SALL4: variants seen among roughly 807,000 people sequenced by gnomAD.
SALL4 encodes the protein sal-like protein 4.
Under a neutral mutation model 60.8 loss-of-function variants are expected in SALL4, and 4 were observed. The ratio of observed to expected loss-of-function variants is 0.07; its 90% CI spans 0.03 to 0.15. SALL4 has a LOEUF of 0.15. Ranked by LOEUF, SALL4 falls within the 10% of genes least tolerant of loss-of-function variation. SALL4 has a pLI of 1.00. For synonymous variants in SALL4, 580 were observed against 574.9 expected, an observed-to-expected ratio of 1.01 and a Z score of -0.13; for missense variants, 1,178 against 1,394.7, an observed-to-expected ratio of 0.84 and a Z score of 2.48.
intron 2 of SALL4, among the ~76,000 whole-genome samples, chr20:51,789,794 G>A (rs190391663): frequency 3.3e-5 from 5 of 152,238 alleles, no homozygotes; most frequent in Admixed American, 3.3e-4. Context: ...AACAAAAAAG[G>A]TATGCTGTCC....
chr20:51,784,754 A>G, intron 3 of SALL4, 70 bp from the exon 4 acceptor site: 2 of 1,539,766 alleles, frequency 1.3e-6, no homozygotes, highest in South Asian at 1.1e-5. Context: ...CCAAGAATCA[A>G]TCTGCATATG....
chr20:51,790,499 G>T lies in SALL4; in HGVS notation c.1984C>A (p.Pro662Thr). 6.2e-7 allele frequency: 1 copy of T among 1,614,138 alleles called. No homozygotes were observed. The highest frequency in any genetic ancestry group is 1.1e-5 in the South Asian group (1 of 91,086). The change falls in exon 2 of 4, where the codon CCC becomes ACC. Residue 662 changes from proline to threonine, a missense_variant. Physicochemically the swap from Pro to Thr is conservative, Grantham distance 38. Transcript: ENST00000217086. The surrounding 1 kb of genome is among the most constrained non-coding windows in gnomAD (Gnocchi z 5.5). ...QIPNTPLPENPCDFTGSEPMT... is the reference protein window; with the variant it reads ...QIPNTPLPENTCDFTGSEPMT... ...GGCTCAGAACCCGTAAAGTCACAGG[G>T]ATTCTCTGGCAGGGGCGTGTTGGGA...
chr20:51,794,844 C>T (rs1361724035), intron 1 of SALL4, among the ~76,000 whole-genome samples: 1 of 152,150 alleles, frequency 6.6e-6, no homozygotes, highest in Non-Finnish European at 1.5e-5. Flanking sequence ...GCAGTTCCCA[C>T]ACCCTCTATT....
intron 3 of SALL4, among the ~76,000 whole-genome samples, chr20:51,786,089 G>GTTTTTT (rs763670225): frequency 1.6e-5 from 2 of 127,344 alleles, no homozygotes; most frequent in Non-Finnish European, 1.6e-5. Flanking sequence ...CCAGCTAATT[G>GTTTTTT]TTTTTTTTTT....
In SALL4 at chr20:51,788,616, GGGA is replaced by G. The variant is rs545477427; in HGVS notation, c.2742+242_2742+244del. Among the ~76,000 whole-genome samples, 20 of 152,232 alleles carry G rather than the reference GGGA, an allele frequency of 1.3e-4. No individual in the cohort carries two copies. The South Asian group carries it at 2.3e-3, about 17-fold the overall frequency. ...TGAGGCAGGAGAATGGCATGAACCC[GGGA>G]GGAGGAGCTTGCAGTGAGCTTGAGC... On this transcript the variant is annotated intron_variant, in intron 3 of 3. Coordinates refer to ENST00000217086, the MANE Select transcript of SALL4 (RefSeq NM_020436.5). This position sits in a 1 kb window ranked among gnomAD's most constrained non-coding sequence, Gnocchi z 4.1.
At chr20:51,796,357 T>A (rs534211589) in intron 1 of SALL4, among the ~76,000 whole-genome samples, 1 of 152,120 alleles carries the variant, frequency 6.6e-6, no homozygotes, top group African/African-American at 2.4e-5. Context: ...CTTCATACTC[T>A]TACACCTTAA....
intron 3 of SALL4, among the ~76,000 whole-genome samples, chr20:51,785,167 G>A (rs1030562805): frequency 1.2e-4 from 19 of 152,094 alleles, no homozygotes; most frequent in African/African-American, 4.6e-4. Flanking sequence ...CAGGCATGGT[G>A]GCACATGCCT....
rs2077971030 is a variant in SALL4 at position 51,783,900 on chromosome 20, A to T, written c.*365T>A. On this transcript the variant is annotated 3_prime_UTR_variant, in exon 4 of 4. Coordinates refer to ENST00000217086, the MANE Select transcript of SALL4 (RefSeq NM_020436.5). ...CCGGGCGTGGTGGCACCTGCCTGTA[A>T]TCCCAGCTACTCTGGAGGCTAAGGC... is the stretch of plus-strand genomic sequence containing the variant. 7.0e-6 allele frequency: 2 copies of T among 287,286 alleles called. No individual in the cohort carries two copies. The highest frequency in any genetic ancestry group is 4.4e-5 in the African/African-American group (2 of 45,082). 17.8% of individuals were successfully genotyped at this position (287,286 alleles called of 1,614,324 possible). A position where few individuals can be genotyped will look rare whatever the true frequency, so the allele number is the denominator to read the frequency against.
rs1162101225 is a variant in SALL4 at position 51,801,758 on chromosome 20, G to C, written c.130+521C>G. ...CGCCCCCTCCCCCCACTTGGCCCGGGAGGGGCGCGTGCAACAGATCGTCCT... is the reference window on the plus strand; with the variant it reads ...CGCCCCCTCCCCCCACTTGGCCCGGCAGGGGCGCGTGCAACAGATCGTCCT... On this transcript the variant is annotated intron_variant, in intron 1 of 3. Transcript: ENST00000217086. The surrounding 1 kb of genome is among the most constrained non-coding windows in gnomAD (Gnocchi z 5.2). Among the ~76,000 whole-genome samples the C allele has an allele frequency of 6.6e-6, 1 of 152,096 alleles. No homozygotes were observed. The highest frequency in any genetic ancestry group is 2.4e-5 in the African/African-American group (1 of 41,446).
intron 1 of SALL4, among the ~76,000 whole-genome samples, chr20:51,798,870 C>A (rs929607218): frequency 1.4e-5 from 2 of 145,006 alleles, no homozygotes; most frequent in Non-Finnish European, 3.0e-5. Flanking sequence ...CAAAACAAAA[C>A]AAAACAAAAA....
chr20:51,786,451 C>T (rs6063712), intron 3 of SALL4, among the ~76,000 whole-genome samples: 1 of 151,962 alleles, frequency 6.6e-6, no homozygotes, highest in Non-Finnish European at 1.5e-5. Flanking sequence ...AAGCTGGTCT[C>T]GAACTCCTGG....
At chr20:51,789,997 T>G (rs370094424) in intron 2 of SALL4, 25 bp downstream of exon 2, 2 of 1,614,004 alleles carry the variant, frequency 1.2e-6, no homozygotes, top group Non-Finnish European at 1.7e-6. Context: ...AAAATGGACA[T>G]AAGTTAAATC....
rs1359372184 is a variant in SALL4, at chr20:51,782,363, AACAG to A, written c.*1898_*1901del. 6 of 152,202 alleles carry A rather than the reference AACAG, an allele frequency of 3.9e-5. No homozygotes were observed. The highest frequency in any genetic ancestry group is 7.4e-5 in the Non-Finnish European group (5 of 68,010). The allele number at this position is 152,202 out of a possible 1,614,324, so 9.4% of individuals were successfully genotyped here. ...AAAAAACATTCAAATTTTATTTTCC[AACAG>A]ACAGACAGCATCAGCAGGTACAACT... is the stretch of plus-strand genomic sequence containing the variant. On this transcript the variant is annotated 3_prime_UTR_variant, in exon 4 of 4. Transcript: ENST00000217086.
chr20:51,789,936 C>G (rs2078022128), intron 2 of SALL4, 86 bp downstream of exon 2: 1 of 1,552,670 alleles, frequency 6.4e-7, no homozygotes, highest in Non-Finnish European at 8.9e-7. Context: ...TCAAGTCATA[C>G]TCTCCGTTTG....
Position 51,790,732 on chromosome 20 carries a change from T to G in SALL4, c.1751A>C (p.His584Pro). 1 of 1,614,144 alleles carries G rather than the reference T, an allele frequency of 6.2e-7. No homozygotes were observed. Among genetic ancestry groups the G allele is most frequent in the Non-Finnish European group, 8.5e-7 (1 of 1,180,032 alleles). Reference protein sequence around the residue: ...VLSCQSSLKMHYRTHTGERPF... With the variant: ...VLSCQSSLKMPYRTHTGERPF... ...TCTCTCCCCGGTGTGGGTGCGATAA[T>G]GCATCTTGAGGGAGCTCTGACAGCT... The change falls in exon 2 of 4, where the codon CAT becomes CCT. Residue 584 changes from histidine to proline, a missense_variant. By Grantham distance (77) the His-to-Pro change is moderately conservative. This residue lies in a region of SALL4 where 853 missense variants were observed against 1,036.8 expected (regional missense o/e 0.82). Transcript: ENST00000217086. This position sits in a 1 kb window ranked among gnomAD's most constrained non-coding sequence, Gnocchi z 5.5.
In SALL4 at chr20:51,790,200, G is replaced by T. The variant is rs372756084; in HGVS notation, c.2283C>A (p.Asn761Lys). The part of the protein sequence containing the change: ...NGSVESDGLT[N>K]DSSSLMGDQE... ...GGTCTCCCATCAGCGAGGATGAGTCGTTGGTCAAGCCATCGCTCTCCACGG... is the reference window on the plus strand; with the variant it reads ...GGTCTCCCATCAGCGAGGATGAGTCTTTGGTCAAGCCATCGCTCTCCACGG... The change falls in exon 2 of 4, where the codon AAC (asparagine) becomes AAA (lysine). Residue 761 changes from asparagine (N) to lysine (K), a missense_variant. By Grantham distance (94) the Asn-to-Lys change is moderately conservative. Transcript: ENST00000217086. The surrounding 1 kb of genome is among the most constrained non-coding windows in gnomAD (Gnocchi z 5.5). The T allele has an allele frequency of 3.7e-6, 6 of 1,613,978 alleles. No individual in the cohort carries two copies. The Admixed American group carries it at 5.0e-5, about 13-fold the overall frequency.
rs904974034 is a variant in SALL4, at chr20:51,801,045, C to A, written c.130+1234G>T. Among the ~76,000 whole-genome samples, 9 of 152,014 alleles carry A rather than the reference C, an allele frequency of 5.9e-5. No individual in the cohort carries two copies. The highest frequency in any genetic ancestry group is 8.8e-5 in the Non-Finnish European group (6 of 67,986). On this transcript the variant is annotated intron_variant, in intron 1 of 3. Coordinates refer to ENST00000217086, the MANE Select transcript of SALL4 (RefSeq NM_020436.5). The surrounding 1 kb of genome is among the most constrained non-coding windows in gnomAD (Gnocchi z 5.2). The stretch of plus-strand genomic sequence containing the variant: ...GTCCTCCGGGGTTGCCGCGCACACC[C>A]GTCTGCTGCAGGGAAATTAGAAAGC...
intron 3 of SALL4, 120 bp from the exon 4 acceptor site, chr20:51,784,804 T>C: frequency 8.5e-7 from 1 of 1,173,156 alleles, no homozygotes; most frequent in Non-Finnish European, 1.3e-6. Flanking sequence ...TAGATGATCC[T>C]TGACTTACAG....
chr20:51,792,688 C>CGAAAAAAA (rs2078055555), intron 1 of SALL4: 1 of 166,370 alleles, frequency 6.0e-6, no homozygotes, highest in African/African-American at 6.3e-5. Flanking sequence ...GACTCCATCT[C>CGAAAAAAA]AAAAAAAAAA....
Sources: allele counts gnomAD v4.1 joint callset (sites outside exome capture counted in the v4.1 genomes callset), GRCh38; gene constraint gnomAD v4.1.1; regional missense constraint gnomAD v4.1.1; non-coding constraint Gnocchi (gnomAD v3.1); transcripts MANE v1.5; gene names NCBI Gene and HGNC (gene_info 2026-07-23, HGNC 2026-07-21).